The following NR2F1-AS1 variants were observed in gnomAD, a reference collection of about 807,000 sequenced individuals.
The protein encoded by NR2F1-AS1 is NR2F1 regulatory antisense RNA 1, also known as NR2F1 antisense RNA 1.
At chr5:93,497,753 C>T (rs182384156) in intron 4 of NR2F1-AS1, among the ~76,000 whole-genome samples, 1 of 152,166 alleles carries the variant, frequency 6.6e-6, no homozygotes, top group Non-Finnish European at 1.5e-5. Flanking sequence ...TGAAGAAAAA[C>T]GATGGCAAAT....
chr5:93,512,676 AT>A (rs1244931507), intron 4 of NR2F1-AS1, among the ~76,000 whole-genome samples: 2 of 152,084 alleles, frequency 1.3e-5, no homozygotes, highest in African/African-American at 4.8e-5. Flanking sequence ...TAGGTGTACC[AT>A]TTTTTATCTT....
At chr5:93,565,938 C>G (rs1282487974) in intron 1 of NR2F1-AS1, among the ~76,000 whole-genome samples, 1 of 150,856 alleles carries the variant, frequency 6.6e-6, no homozygotes. Flanking sequence ...CATGATAAAC[C>G]CATTTAAGAC....
intron 4 of NR2F1-AS1, among the ~76,000 whole-genome samples, chr5:93,441,709 A>C (rs1749574707): frequency 6.6e-6 from 1 of 152,242 alleles, no homozygotes; most frequent in Non-Finnish European, 1.5e-5. Flanking sequence ...TGTTCTAGGA[A>C]TGACTCTGCA....
At chr5:93,569,368 G>C (rs77562059) in intron 1 of NR2F1-AS1, among the ~76,000 whole-genome samples, 90 of 152,294 alleles carry the variant, frequency 5.9e-4, no homozygotes, top group African/African-American at 2.1e-3. Context: ...AAAAGTTGCT[G>C]AAACAAACAC....
chr5:93,522,327 A>G (rs1751518751), intron 4 of NR2F1-AS1, among the ~76,000 whole-genome samples: 1 of 152,224 alleles, frequency 6.6e-6, no homozygotes, highest in South Asian at 2.1e-4. Context: ...CCTATGTAAC[A>G]AACCTTCACA....
chr5:93,509,110 G>GAATA (rs1238151177), intron 4 of NR2F1-AS1, among the ~76,000 whole-genome samples: 1 of 151,996 alleles, frequency 6.6e-6, no homozygotes, highest in Non-Finnish European at 1.5e-5. Flanking sequence ...GTAAATAAGT[G>GAATA]AATAAATAAA....
At chr5:93,557,617 G>T (rs1752389745) in intron 2 of NR2F1-AS1, among the ~76,000 whole-genome samples, 1 of 152,168 alleles carries the variant, frequency 6.6e-6, no homozygotes, top group African/African-American at 2.4e-5. Flanking sequence ...CTTTCAGTGA[G>T]ATGTAATCTT....
At chr5:93,535,590 G>A (rs888962274) in intron 4 of NR2F1-AS1, among the ~76,000 whole-genome samples, 1 of 151,916 alleles carries the variant, frequency 6.6e-6, no homozygotes, top group Non-Finnish European at 1.5e-5. Context: ...CATAAGCATA[G>A]ACGCAAAAAT....
chr5:93,478,497 A>G (rs559029831), intron 4 of NR2F1-AS1, among the ~76,000 whole-genome samples: 77 of 152,224 alleles, frequency 5.1e-4, no homozygotes, highest in African/African-American at 1.8e-3. Context: ...TTCGCATCCC[A>G]GATTCGAGCA....
At chr5:93,431,410 T>A (rs1749322173) in intron 4 of NR2F1-AS1, among the ~76,000 whole-genome samples, 1 of 152,214 alleles carries the variant, frequency 6.6e-6, no homozygotes, top group South Asian at 2.1e-4. Context: ...TTGAGGTAAC[T>A]GATTATCCAC....
At chr5:93,451,284 T>C (rs1749824029) in intron 4 of NR2F1-AS1, among the ~76,000 whole-genome samples, 1 of 134,764 alleles carries the variant, frequency 7.4e-6, no homozygotes, top group African/African-American at 2.8e-5. Context: ...AAATACTATC[T>C]AAGTCTAATT....
chr5:93,411,662 T>C (rs1329972889), intron 4 of NR2F1-AS1, among the ~76,000 whole-genome samples: 1 of 152,124 alleles, frequency 6.6e-6, no homozygotes, highest in Admixed American at 6.5e-5. Context: ...TGTCTAAAGC[T>C]TTATCTCCCT....
intron 4 of NR2F1-AS1, chr5:93,543,942 T>C (rs368121121): frequency 9.2e-5 from 14 of 152,162 alleles, no homozygotes; most frequent in Non-Finnish European, 1.6e-4. Flanking sequence ...TAAAAGTGTA[T>C]ATACAAAGGC....
intron 4 of NR2F1-AS1, among the ~76,000 whole-genome samples, chr5:93,472,003 T>C (rs1277167750): frequency 1.3e-5 from 2 of 151,874 alleles, no homozygotes; most frequent in African/African-American, 4.8e-5. Context: ...ATCTAAACCC[T>C]TTATTTCATT....
intron 4 of NR2F1-AS1, among the ~76,000 whole-genome samples, chr5:93,535,279 G>A (rs902970521): frequency 1.5e-4 from 22 of 147,520 alleles, no homozygotes; most frequent in South Asian, 4.3e-4. Flanking sequence ...TATTAGAGAA[G>A]GTAAAAAGAA....
chr5:93,484,939 T>C (rs1244325643), intron 4 of NR2F1-AS1, among the ~76,000 whole-genome samples: 1 of 152,136 alleles, frequency 6.6e-6, no homozygotes, highest in Non-Finnish European at 1.5e-5. Flanking sequence ...ATGCACCCAA[T>C]ACAGGAGTAC....
intron 4 of NR2F1-AS1, among the ~76,000 whole-genome samples, chr5:93,478,059 T>G (rs950950765): frequency 6.6e-6 from 1 of 152,146 alleles, no homozygotes; most frequent in Non-Finnish European, 1.5e-5. Flanking sequence ...AAGAAGCCAA[T>G]GCAGCAACTT....
intron 4 of NR2F1-AS1, among the ~76,000 whole-genome samples, chr5:93,502,592 T>G (rs971952687): frequency 5.3e-5 from 8 of 151,566 alleles, no homozygotes; most frequent in African/African-American, 1.9e-4. Flanking sequence ...GAATAAAAGG[T>G]TCAGATATTC....
intron 4 of NR2F1-AS1, among the ~76,000 whole-genome samples, chr5:93,551,977 C>T (rs1038768504): frequency 2.6e-5 from 4 of 152,146 alleles, no homozygotes; most frequent in African/African-American, 4.8e-5. Context: ...TGGGAATTCA[C>T]GTTATCACCA....
Sources: allele counts gnomAD v4.1 joint callset (sites outside exome capture counted in the v4.1 genomes callset), GRCh38; gene constraint gnomAD v4.1.1; transcripts MANE v1.5; gene names NCBI Gene and HGNC (gene_info 2026-07-23, HGNC 2026-07-21).